Variants in LY9 observed in about 807,000 individuals in gnomAD.
The protein encoded by LY9 is lymphocyte antigen 9, also known as T-lymphocyte surface antigen Ly-9.
A neutral mutation model predicts 64.6 loss-of-function variants in LY9; 59 were observed. The observed-to-expected ratio is 0.91, with a 90% CI of 0.74 to 1.13. The LOEUF (loss-of-function observed/expected upper bound fraction) is 1.13. Among genes scored for constraint, LY9 ranks in the 50% most tolerant of loss-of-function variants. LY9 has a pLI of 0.00. For missense variants in LY9, 789 were observed against 797.2 expected, an observed-to-expected ratio of 0.99 and a Z score of 0.12; for synonymous variants, 281 against 308.5, an observed-to-expected ratio of 0.91 and a Z score of 0.93.
Position 160,827,789 on chromosome 1 carries a change from A to G in LY9, c.1941A>G (p.Glu647=). The change falls in exon 10 of 10, where the codon GAA becomes GAG. Residue 647 remains glutamate, a synonymous_variant. Coordinates refer to ENST00000263285, the MANE Select transcript of LY9 (RefSeq NM_002348.4). ...AACAGAATGATCTTGAGATTCCTGA[A>G]AGTCCTACCTATGAAAATTTCACCT... ...PPQQNDLEIP[E]SPTYENFT is the part of the protein sequence containing the mutation. The G allele has an allele frequency of 1.2e-6, 2 of 1,609,580 alleles. No homozygotes were observed. The highest frequency in any genetic ancestry group is 1.7e-6 in the Non-Finnish European group (2 of 1,178,102).
intron 2 of LY9, chr1:160,801,851 G>A: frequency 6.2e-7 from 1 of 1,614,190 alleles, no homozygotes; most frequent in Non-Finnish European, 8.5e-7. Context: ...CACTCCTGGA[G>A]GGCAGCGGCC....
At chr1:160,827,304 T>G (rs1456848829) in intron 9 of LY9, among the ~76,000 whole-genome samples, 4 of 152,166 alleles carry the variant, frequency 2.6e-5, no homozygotes, top group African/African-American at 9.7e-5. Context: ...CTGAACACTC[T>G]CAGACAGGGA....
chr1:160,802,108 G>A, intron 2 of LY9: 2 of 1,378,834 alleles, frequency 1.5e-6, no homozygotes, highest in Non-Finnish European at 1.9e-6. Flanking sequence ...GAACACCGGA[G>A]CCGCCAACTT....
At chr1:160,816,042 G>C (rs1458053067) in intron 4 of LY9, among the ~76,000 whole-genome samples, 1 of 152,216 alleles carries the variant, frequency 6.6e-6, no homozygotes, top group African/African-American at 2.4e-5. Flanking sequence ...CCAAGTCCAT[G>C]CCTATTGCAC....
At chr1:160,805,085 G>A (rs1168258298) in intron 2 of LY9, among the ~76,000 whole-genome samples, 2 of 151,840 alleles carry the variant, frequency 1.3e-5, no homozygotes, top group East Asian at 1.9e-4. Flanking sequence ...CATTTTTTTA[G>A]TCCCTACTTC....
intron 2 of LY9, among the ~76,000 whole-genome samples, chr1:160,804,403 A>G (rs963648685): frequency 5.3e-5 from 8 of 152,184 alleles, no homozygotes; most frequent in African/African-American, 1.9e-4. Flanking sequence ...ATTGATTTAC[A>G]TACGTTAAAC....
chr1:160,826,100 G>T (rs1024712037), intron 9 of LY9, among the ~76,000 whole-genome samples: 1 of 152,164 alleles, frequency 6.6e-6, no homozygotes, highest in Non-Finnish European at 1.5e-5. Context: ...TATTTTGCAT[G>T]TTACGTGTAT....
chr1:160,809,361 T>TTAC (rs3884382), intron 2 of LY9, among the ~76,000 whole-genome samples: 48,322 of 146,720 alleles, frequency 0.33, 9,219 homozygotes, highest in Non-Finnish European at 0.44. Flanking sequence ...ATTATTATTA[T>TTAC]TACTACTACT....
intron 9 of LY9, chr1:160,824,539 T>C (rs2101838792): frequency 2.0e-6 from 2 of 985,292 alleles, no homozygotes; most frequent in African/African-American, 1.7e-5. Context: ...AGGGTCTTTA[T>C]AGCTTTTTAA....
intron 4 of LY9, among the ~76,000 whole-genome samples, chr1:160,816,266 T>C (rs967643088): frequency 6.6e-6 from 1 of 152,186 alleles, no homozygotes; most frequent in Non-Finnish European, 1.5e-5. Flanking sequence ...TCACAGCACA[T>C]GGAAGTGTTG....
intron 1 of LY9, chr1:160,797,033 C>A: frequency 1.3e-6 from 1 of 768,204 alleles, no homozygotes; most frequent in Non-Finnish European, 1.6e-6. Context: ...GGGACCTGGA[C>A]GCGGTTAGGT....
intron 1 of LY9, chr1:160,799,491 C>G (rs1391897137): frequency 7.5e-6 from 3 of 398,610 alleles, no homozygotes; most frequent in African/African-American, 2.0e-5. Context: ...CCCAAAGTCA[C>G]AAGGCTAATT....
In LY9 at chr1:160,816,885, C is replaced by T. The variant is rs186550433; in HGVS notation, c.1342+22C>T. Reference sequence around the variant, plus strand: ...TCAGGTTTCTCTCCATCTCTATTTACTCAGGTCACAGGACCTTGGGGCCTC... The same window carrying T: ...TCAGGTTTCTCTCCATCTCTATTTATTCAGGTCACAGGACCTTGGGGCCTC... On this transcript the variant is annotated intron_variant, in intron 5 of 9. Transcript: ENST00000263285. 341 of 1,613,570 alleles carry T rather than the reference C, an allele frequency of 2.1e-4. 1 individual carries two copies. The African/African-American group carries it at 4.2e-3, about 20-fold the overall frequency.
intron 4 of LY9, 31 bp downstream of exon 4, chr1:160,814,792 G>A: frequency 6.4e-7 from 1 of 1,568,434 alleles, no homozygotes; most frequent in Non-Finnish European, 8.7e-7. Context: ...CCCATCACCA[G>A]ATTCCTTCTC....
In LY9 at chr1:160,814,780, C is replaced by T. The variant is rs1571024530; in HGVS notation, c.1072+19C>T. 3.2e-6 allele frequency: 5 copies of T among 1,585,844 alleles called. No homozygotes were observed. The East Asian group carries it at 9.1e-5, about 29-fold the overall frequency. On this transcript the variant is annotated intron_variant, in intron 4 of 9. Transcript: ENST00000263285. ...ATCTACCGTGAGTCTCTGGGCAGGG[C>T]ACCCATCACCAGATTCCTTCTCTGA...
intron 2 of LY9, among the ~76,000 whole-genome samples, chr1:160,807,170 C>T (rs1667060346): frequency 6.6e-6 from 1 of 152,194 alleles, no homozygotes; most frequent in African/African-American, 2.4e-5. Context: ...TTTCAGAATT[C>T]TCTTGTATCT....
chr1:160,802,478 C>T (rs1374232615), intron 2 of LY9: 3 of 985,628 alleles, frequency 3.0e-6, no homozygotes, highest in East Asian at 1.1e-4. Flanking sequence ...ACCCATGATG[C>T]GGAGCTGGCC....
chr1:160,808,206 C>T (rs1390398420), intron 2 of LY9, among the ~76,000 whole-genome samples: 1 of 152,180 alleles, frequency 6.6e-6, no homozygotes, highest in Admixed American at 6.5e-5. Context: ...TCAGTCACAG[C>T]AGCATTCACT....
intron 9 of LY9, chr1:160,824,865 C>T (rs1318667217): frequency 6.4e-6 from 1 of 155,246 alleles, no homozygotes; most frequent in African/African-American, 2.4e-5. Flanking sequence ...CCTGTAGTTC[C>T]AACTACTCAG....
Sources: gnomAD v4.1 joint callset for allele counts (sites outside exome capture counted in the v4.1 genomes callset) on GRCh38, gnomAD v4.1.1 for gene constraint, MANE v1.5 for transcripts, NCBI Gene and HGNC (gene_info 2026-07-23, HGNC 2026-07-21) for gene names.